Variants in SPAG16 observed in about 807,000 individuals in gnomAD.
The protein encoded by SPAG16 is sperm-associated antigen 16 protein.
In SPAG16, 86 loss-of-function variants were observed where a neutral mutation model predicts 80.4. The observed-to-expected ratio is 1.07, with a 90% CI of 0.90 to 1.28. SPAG16 has a LOEUF of 1.28. Among genes scored for constraint, SPAG16 ranks in the 50% most tolerant of loss-of-function variants. SPAG16 has a pLI of 0.00. For missense variants in SPAG16, 870 were observed against 765.3 expected, an observed-to-expected ratio of 1.14 and a Z score of -1.61; for synonymous variants, 294 against 265.9, an observed-to-expected ratio of 1.11 and a Z score of -1.03.
At chr2:213,581,307 T>A (rs1175707011) in intron 10 of SPAG16, among the ~76,000 whole-genome samples, 1 of 152,070 alleles carries the variant, frequency 6.6e-6, no homozygotes, top group African/African-American at 2.4e-5. Flanking sequence ...AGCCTCAAGC[T>A]CCTGGGCTCA....
rs1329672453 is a variant in SPAG16 at position 214,177,987 on chromosome 2, ATATATATATATATATATATATATATT to A, written c.1720+28722_1720+28747del. The stretch of plus-strand genomic sequence containing the variant: ...AAAGTGTATGTATATATATATATAT[ATATATATATATATATATATATATATT>A]CATACTTTATTTGTACATATAAACT... On this transcript the variant is annotated intron_variant, in intron 15 of 15. Coordinates refer to ENST00000331683, the MANE Select transcript of SPAG16 (RefSeq NM_024532.5). 8.2e-4 allele frequency among the ~76,000 whole-genome samples: 35 copies of A among 42,480 alleles called. 1 individual carries two copies. Among genetic ancestry groups the A allele is most frequent in the Non-Finnish European group, 4.3e-4 (6 of 14,102 alleles). The allele number at this position is 42,480 out of a possible 152,430, so 27.9% of individuals were successfully genotyped here. A position where few individuals can be genotyped will look rare whatever the true frequency, so the allele number is the denominator to read the frequency against.
At chr2:213,614,578 T>C (rs1316964004) in intron 10 of SPAG16, among the ~76,000 whole-genome samples, 1 of 152,218 alleles carries the variant, frequency 6.6e-6, no homozygotes, top group Non-Finnish European at 1.5e-5. Flanking sequence ...TGTCCTGGGA[T>C]AGTGGATGCC....
chr2:213,620,192 C>T (rs2061723409), intron 10 of SPAG16, among the ~76,000 whole-genome samples: 1 of 150,118 alleles, frequency 6.7e-6, no homozygotes, highest in Non-Finnish European at 1.5e-5. Flanking sequence ...AAGGTTGGTC[C>T]ATGGGTACAA....
At chr2:213,340,303 G>T in intron 6 of SPAG16, 33 bp downstream of exon 6, 1 of 1,363,984 alleles carries the variant, frequency 7.3e-7, no homozygotes, top group South Asian at 1.2e-5. Flanking sequence ...ATTTATTAAA[G>T]AGTTATTTAA....
chr2:214,021,709 A>T (rs16851312), intron 13 of SPAG16, among the ~76,000 whole-genome samples: 1 of 151,734 alleles, frequency 6.6e-6, no homozygotes, highest in Non-Finnish European at 1.5e-5. Context: ...TTTAAAATAA[A>T]CCTCACTGCA....
At chr2:213,342,343 C>CATATATGTGTATATATATATTACAT (rs2064739396) in intron 6 of SPAG16, among the ~76,000 whole-genome samples, 1 of 117,908 alleles carries the variant, frequency 8.5e-6, no homozygotes, top group Non-Finnish European at 1.7e-5. Context: ...ATATATATTA[C>CATATATGTGTATATATATATTACAT]ATATATGTAT....
intron 1 of SPAG16, among the ~76,000 whole-genome samples, chr2:213,285,049 T>C (rs947363146): frequency 1.2e-4 from 18 of 152,298 alleles, no homozygotes; most frequent in African/African-American, 4.1e-4. Flanking sequence ...ACCTCTGCCA[T>C]TGGACTTTAA....
intron 15 of SPAG16, among the ~76,000 whole-genome samples, chr2:214,329,412 A>G (rs1333845515): frequency 6.6e-6 from 1 of 152,240 alleles, no homozygotes; most frequent in South Asian, 2.1e-4. Flanking sequence ...ACTTGATTAA[A>G]TCAAACAAAT....
chr2:213,371,396 C>CAAAAAAAAAA (rs1161878780), intron 8 of SPAG16, among the ~76,000 whole-genome samples: 4 of 47,298 alleles, frequency 8.5e-5, no homozygotes, highest in African/African-American at 2.6e-4. Flanking sequence ...GACCGTGTCT[C>CAAAAAAAAAA]AAAAAAAAAA....
chr2:213,670,802 T>G (rs1312048632), intron 10 of SPAG16, among the ~76,000 whole-genome samples: 1 of 152,210 alleles, frequency 6.6e-6, no homozygotes, highest in African/African-American at 2.4e-5. Flanking sequence ...GAAAGTTGCT[T>G]AGTTTTTGAA....
chr2:213,407,598 A>AGAGAGAGAGAGAGAGAGAGAGACAG lies in SPAG16; in HGVS notation c.942+32501_942+32502insCAGGAGAGAGAGAGAGAGAGAGAGA. On this transcript the variant is annotated intron_variant, in intron 9 of 15. Transcript: ENST00000331683. ...CTACCCTAGGAGAGAGAGAGACAGG[A>AGAGAGAGAGAGAGAGAGAGAGACAG]GAGAGAGAGAGAGAGAGAGAGAGAG... Among the ~76,000 whole-genome samples the AGAGAGAGAGAGAGAGAGAGAGACAG allele has an allele frequency of 3.8e-4, 3 of 7,802 alleles. No individual in the cohort carries two copies. The East Asian group carries it at 9.6e-3, about 25-fold the overall frequency. 5.1% of individuals were successfully genotyped at this position (7,802 alleles called of 152,430 possible).
intron 10 of SPAG16, among the ~76,000 whole-genome samples, chr2:213,538,234 A>T (rs1215435383): frequency 3.3e-5 from 5 of 152,134 alleles, no homozygotes; most frequent in Non-Finnish European, 7.4e-5. Context: ...TGTTTGGATG[A>T]TACATTTTTC....
intron 12 of SPAG16, among the ~76,000 whole-genome samples, chr2:213,991,858 A>AGTTT (rs1227332504): frequency 3.2e-4 from 22 of 68,642 alleles, no homozygotes; most frequent in African/African-American, 9.3e-4. Context: ...GACAATTGAG[A>AGTTT]GTTTATTTAT....
At chr2:213,796,337 A>C (rs1210452817) in intron 10 of SPAG16, among the ~76,000 whole-genome samples, 1 of 152,150 alleles carries the variant, frequency 6.6e-6, no homozygotes, top group African/African-American at 2.4e-5. Flanking sequence ...GAAACATCTA[A>C]TCTACTTTCT....
In SPAG16 at chr2:213,604,500, T is replaced by C. The variant is rs146639798; in HGVS notation, c.1070+114410T>C. Among the ~76,000 whole-genome samples, 59 of 152,314 alleles carry C rather than the reference T, an allele frequency of 3.9e-4. 1 individual carries two copies. In the Middle Eastern group the frequency reaches 0.017, roughly 44 times the overall value. On this transcript the variant is annotated intron_variant, in intron 10 of 15. Transcript: ENST00000331683. ...AACAATTGAATTATGTGTCCTCATT[T>C]CCTTCTTACTTTCATCTAATTAATC...
intron 15 of SPAG16, among the ~76,000 whole-genome samples, chr2:214,387,469 C>A (rs1443053293): frequency 1.3e-5 from 2 of 152,072 alleles, no homozygotes; most frequent in Non-Finnish European, 2.9e-5. Flanking sequence ...AATTTTTAAC[C>A]AAAGGTGATA....
chr2:213,616,577 C>T (rs982801499), intron 10 of SPAG16, among the ~76,000 whole-genome samples: 3 of 152,154 alleles, frequency 2.0e-5, no homozygotes, highest in African/African-American at 7.2e-5. Context: ...TACTTTTTCT[C>T]AAAATATGAT....
intron 15 of SPAG16, among the ~76,000 whole-genome samples, chr2:214,375,086 A>C (rs1244579474): frequency 1.3e-5 from 2 of 152,138 alleles, no homozygotes; most frequent in Non-Finnish European, 2.9e-5. Flanking sequence ...ATCTCACCTT[A>C]ATCAGCCACA....
In SPAG16 at chr2:213,906,033, G is replaced by A. The variant is rs113592946; in HGVS notation, c.1215-23927G>A. Among the ~76,000 whole-genome samples, 12 of 152,158 alleles carry A rather than the reference G, an allele frequency of 7.9e-5. 1 individual carries two copies. The highest frequency in any genetic ancestry group is 1.9e-4 in the East Asian group (1 of 5,172). ...TGTCTTGAAATATCTTAGCACCTAC[G>A]CTAAATTCCAAATATCTTACCAGCA... On this transcript the variant is annotated intron_variant, in intron 11 of 15. Transcript: ENST00000331683.
Sources: gnomAD v4.1 joint callset for allele counts (sites outside exome capture counted in the v4.1 genomes callset) on GRCh38, gnomAD v4.1.1 for gene constraint, MANE v1.5 for transcripts, NCBI Gene and HGNC (gene_info 2026-07-23, HGNC 2026-07-21) for gene names.